Variants in GRM7 observed in about 807,000 individuals in gnomAD.
GRM7 encodes metabotropic glutamate receptor 7.
A neutral mutation model predicts 84.5 loss-of-function variants in GRM7; 35 were observed. The ratio of observed to expected loss-of-function variants is 0.41; its 90% confidence interval spans 0.32 to 0.55. GRM7 has a LOEUF of 0.55. Ranked by LOEUF, GRM7 falls within the 20% of genes least tolerant of loss-of-function variation. The pLI is 0.19. For missense variants in GRM7, 1,003 were observed against 1,194.6 expected (o/e 0.84, Z 2.36); for synonymous variants, 487 against 455.1 (o/e 1.07, Z -0.89).
intron 1 of GRM7, among the ~76,000 whole-genome samples, chr3:6,921,104 C>G (rs560677383): frequency 1.1e-4 from 17 of 152,328 alleles, no homozygotes; most frequent in Admixed American, 3.3e-4. Context: ...GTTCCTTCAG[C>G]AAATGTATTA....
At chr3:6,955,255 G>A (rs954124786) in intron 1 of GRM7, among the ~76,000 whole-genome samples, 7 of 152,182 alleles carry the variant, frequency 4.6e-5, no homozygotes, top group Non-Finnish European at 1.0e-4. Flanking sequence ...TAGAATGACG[G>A]CCGGGGCTGG....
At chr3:7,218,033 T>C (rs553833485) in intron 2 of GRM7, among the ~76,000 whole-genome samples, 1 of 152,206 alleles carries the variant, frequency 6.6e-6, no homozygotes, top group African/African-American at 2.4e-5. Flanking sequence ...TAGCCAACCT[T>C]TGCTGTTAAA....
chr3:7,193,327 G>T (rs1018346102), intron 2 of GRM7, among the ~76,000 whole-genome samples: 1 of 152,062 alleles, frequency 6.6e-6, no homozygotes, highest in Non-Finnish European at 1.5e-5. Flanking sequence ...CCATATAGTT[G>T]CTTATTGGAT....
At position 7,249,612 on chromosome 3, in the gene GRM7, C is replaced by T. The variant is rs2124935916; in HGVS notation, c.737-49072C>T. On this transcript the variant is annotated intron_variant, in intron 2 of 9. Coordinates refer to ENST00000357716, the MANE Select transcript of GRM7 (RefSeq NM_000844.4). ...GGATGTAGAAGTAAAAAGAGCATGACTAAACAAATGACTGCATCAGCAAAA... is the reference window on the plus strand; with the variant it reads ...GGATGTAGAAGTAAAAAGAGCATGATTAAACAAATGACTGCATCAGCAAAA... Among the ~76,000 whole-genome samples, 4 of 152,108 alleles carry T rather than the reference C, an allele frequency of 2.6e-5. No homozygotes were observed. The South Asian group carries it at 8.3e-4, about 32-fold the overall frequency.
At chr3:6,969,688 A>G (rs1693663369) in intron 1 of GRM7, among the ~76,000 whole-genome samples, 1 of 152,198 alleles carries the variant, frequency 6.6e-6, no homozygotes, top group Non-Finnish European at 1.5e-5. Context: ...TTTCCATCAC[A>G]TGATCTCCAT....
chr3:6,931,768 C>A (rs773828744), intron 1 of GRM7, among the ~76,000 whole-genome samples: 2 of 152,190 alleles, frequency 1.3e-5, no homozygotes, highest in Non-Finnish European at 2.9e-5. Flanking sequence ...GCTCAAGAAC[C>A]GTGTCTCTCT....
In GRM7 at chr3:7,516,503, AAAG is replaced by A. The variant is rs1179833052; in HGVS notation, c.1515+54784_1515+54786del. On this transcript the variant is annotated intron_variant, in intron 7 of 9. Transcript: ENST00000357716. ...AAAAAAAAAAAAAAAAAAAAAAAAA[AAAG>A]AAATAGTTAGTTCATTAATTCTTAA... Among the ~76,000 whole-genome samples, 51 of 128,196 alleles carry A rather than the reference AAAG, an allele frequency of 4.0e-4. 1 individual carries two copies. The highest frequency in any genetic ancestry group is 5.0e-4 in the African/African-American group (19 of 38,160). The allele number at this position is 128,196 out of a possible 152,430, so 84.1% of individuals were successfully genotyped here.
chr3:7,019,011 C>T (rs573263875), intron 1 of GRM7, among the ~76,000 whole-genome samples: 4 of 152,262 alleles, frequency 2.6e-5, no homozygotes, highest in Non-Finnish European at 4.4e-5. Flanking sequence ...GCAGGAGAAA[C>T]GCTTGAACCC....
At chr3:7,463,694 G>A (rs1284997890) in intron 7 of GRM7, among the ~76,000 whole-genome samples, 1 of 152,182 alleles carries the variant, frequency 6.6e-6, no homozygotes, top group African/African-American at 2.4e-5. Context: ...GTGAAAACTA[G>A]AGTGACCAGC....
intron 1 of GRM7, among the ~76,000 whole-genome samples, chr3:6,901,604 TAA>T (rs33945077): frequency 6.9e-3 from 280 of 40,316 alleles, no homozygotes; most frequent in African/African-American, 0.022. Flanking sequence ...AGACTCCGTC[TAA>T]AAAAAAAAAA....
Position 7,359,030 on chromosome 3 carries a change from G to A in GRM7, c.1033+52378G>A, listed in dbSNP as rs116658486. Among the ~76,000 whole-genome samples, 907 of 149,228 alleles carry A rather than the reference G, an allele frequency of 6.1e-3. 6 individuals are homozygous for A. The highest frequency in any genetic ancestry group is 0.021 in the African/African-American group (856 of 40,686). On this transcript the variant is annotated intron_variant, in intron 4 of 9. Coordinates refer to ENST00000357716, the MANE Select transcript of GRM7 (RefSeq NM_000844.4). ...GCTACTCTGGAAGCTGAGACAGGAG[G>A]ATCACTTGAACCAGGAAGTTGTGGT...
At chr3:7,220,445 G>A (rs986710618) in intron 2 of GRM7, among the ~76,000 whole-genome samples, 17 of 152,090 alleles carry the variant, frequency 1.1e-4, no homozygotes, top group East Asian at 5.8e-4. Flanking sequence ...ATTGAGGGAC[G>A]TTCTCCAAAA....
chr3:7,501,595 A>G (rs1699885082), intron 7 of GRM7, among the ~76,000 whole-genome samples: 1 of 152,198 alleles, frequency 6.6e-6, no homozygotes, highest in Non-Finnish European at 1.5e-5. Context: ...CAGCTGATTC[A>G]TCTAGAATTC....
At position 7,435,679 on chromosome 3, in the gene GRM7, G is replaced by GTTT. The variant is rs71066011; in HGVS notation, c.1175-16904_1175-16902dup. 3.5e-3 allele frequency among the ~76,000 whole-genome samples: 314 copies of GTTT among 88,542 alleles called. 29 individuals carry two copies. The highest frequency in any genetic ancestry group is 0.016 in the Middle Eastern group (2 of 126). 58.1% of individuals were successfully genotyped at this position (88,542 alleles called of 152,430 possible). ...AGGCCCTTGCCACCACATCCGGCTA[G>GTTT]TTTTTTTTTTTTTTTTTTTTTTTTT... On this transcript the variant is annotated intron_variant, in intron 5 of 9. Coordinates refer to ENST00000357716, the MANE Select transcript of GRM7 (RefSeq NM_000844.4).
chr3:7,203,508 G>A lies in GRM7; in HGVS notation c.736+56840G>A, dbSNP rs879331112. 1.3e-4 allele frequency among the ~76,000 whole-genome samples: 20 copies of A among 152,176 alleles called. No individual in the cohort carries two copies. The East Asian group carries it at 2.3e-3, about 18-fold the overall frequency. On this transcript the variant is annotated intron_variant, in intron 2 of 9. Coordinates refer to ENST00000357716, the MANE Select transcript of GRM7 (RefSeq NM_000844.4). ...TCTTTCACCCATTGATGGGCTCTTAGGTTGATTCCATATCTTGGCTATTGT... is the reference window on the plus strand; with the variant it reads ...TCTTTCACCCATTGATGGGCTCTTAAGTTGATTCCATATCTTGGCTATTGT...
chr3:7,692,338 G>A (rs545489638), intron 9 of GRM7, among the ~76,000 whole-genome samples: 1 of 152,280 alleles, frequency 6.6e-6, no homozygotes, highest in East Asian at 1.9e-4. Context: ...TGTCTTGAGT[G>A]ATAGAATGAT....
At chr3:7,264,984 G>A (rs770610299) in intron 2 of GRM7, among the ~76,000 whole-genome samples, 1 of 152,154 alleles carries the variant, frequency 6.6e-6, no homozygotes, top group African/African-American at 2.4e-5. Context: ...TCTCAATAAA[G>A]GTTGTATTTA....
chr3:7,470,195 T>A lies in GRM7; in HGVS notation c.1515+8473T>A, dbSNP rs191266287. Among the ~76,000 whole-genome samples, 131 of 152,348 alleles carry A rather than the reference T, an allele frequency of 8.6e-4. 1 individual carries two copies. Among genetic ancestry groups the A allele is most frequent in the Admixed American group, 4.1e-3 (63 of 15,300 alleles). ...TAGACTTAGAGTAGATTCTAACTTA[T>A]TTCCACTAATTCAGAAATTAGTTTC... On this transcript the variant is annotated intron_variant, in intron 7 of 9. Transcript: ENST00000357716.
Position 7,578,571 on chromosome 3 carries a change from T to G in GRM7, c.1665T>G (p.Phe555Leu), listed in dbSNP as rs199524986. 1.0e-4 allele frequency: 165 copies of G among 1,613,968 alleles called. No individual in the cohort carries two copies. The highest frequency in any genetic ancestry group is 3.3e-4 in the Middle Eastern group (2 of 6,084). Residue 555 changes from phenylalanine (F) to leucine (L), a missense_variant, in exon 8 of 10, where the codon TTT becomes TTG. Phe to Leu is a conservative substitution (Grantham distance 22, BLOSUM62 0). Coordinates refer to ENST00000357716, the MANE Select transcript of GRM7 (RefSeq NM_000844.4). ...CEPCDGYQYQ[F>L]DEMTCQHCPY... Reference sequence around the variant, plus strand: ...CTTGCGATGGTTACCAGTACCAGTTTGATGAGATGACATGCCAGCATTGCC... The same window carrying G: ...CTTGCGATGGTTACCAGTACCAGTTGGATGAGATGACATGCCAGCATTGCC...
Sources: gnomAD v4.1 joint callset for allele counts (sites outside exome capture counted in the v4.1 genomes callset) on GRCh38, gnomAD v4.1.1 for gene constraint, MANE v1.5 for transcripts, NCBI Gene and HGNC (gene_info 2026-07-23, HGNC 2026-07-21) for gene names.